Variants in GSK3B observed in about 807,000 individuals in gnomAD.
The protein encoded by GSK3B is glycogen synthase kinase 3 beta.
In GSK3B, 15 loss-of-function variants were observed where a neutral mutation model predicts 56.4. The ratio of observed to expected loss-of-function variants is 0.27; its 90% confidence interval spans 0.18 to 0.41. The LOEUF (loss-of-function observed/expected upper bound fraction) is 0.41, where lower values mean the gene tolerates loss of function less well. Ranked by LOEUF, GSK3B falls within the 10% of genes least tolerant of loss-of-function variation. The probability of loss-of-function intolerance (pLI) is 1.00; values close to 1 mark genes in which losing one functional copy is unlikely to be tolerated. For synonymous variants in GSK3B, 181 were observed against 188.9 expected (o/e 0.96, Z 0.34); for missense variants, 300 against 513.4 (o/e 0.58, Z 4.02).
chr3:119,970,719 A>T (rs1253770628), intron 2 of GSK3B, among the ~76,000 whole-genome samples: 1 of 151,878 alleles, frequency 6.6e-6, no homozygotes, highest in Non-Finnish European at 1.5e-5. Context: ...TCTGGGAGGT[A>T]GAGGTTGCAG....
At position 119,824,329 on chromosome 3, in the gene GSK3B, GCACACACACA is replaced by G. The variant is rs3835183; in HGVS notation, c.*2449_*2458del. 2.7e-4 allele frequency: 58 copies of G among 213,568 alleles called. 1 individual carries two copies. Among genetic ancestry groups the G allele is most frequent in the Admixed American group, 2.6e-3 (45 of 16,986 alleles). The allele number at this position is 213,568 out of a possible 1,614,324, so 13.2% of individuals were successfully genotyped here. On this transcript the variant is annotated 3_prime_UTR_variant, in exon 11 of 11. Transcript: ENST00000264235. ...TGAGAAAGAAAAATCACACATCTCA[GCACACACACA>G]CACACACACACACGCACACATGCAC...
At chr3:120,062,176 C>G (rs2058243035) in intron 1 of GSK3B, among the ~76,000 whole-genome samples, 1 of 152,178 alleles carries the variant, frequency 6.6e-6, no homozygotes, top group Non-Finnish European at 1.5e-5. Context: ...CTATACTAAA[C>G]ACTCTTTTAC....
chr3:119,909,460 C>A (rs1453924025), intron 6 of GSK3B, among the ~76,000 whole-genome samples: 2 of 152,238 alleles, frequency 1.3e-5, no homozygotes, highest in South Asian at 4.1e-4. Flanking sequence ...ACTTGCACAT[C>A]CAGCTTAAAG....
chr3:119,837,214 G>C (rs1006826957), intron 10 of GSK3B, among the ~76,000 whole-genome samples: 1 of 152,150 alleles, frequency 6.6e-6, no homozygotes, highest in Non-Finnish European at 1.5e-5. Flanking sequence ...GAGTGCAGTG[G>C]CGTGATCTCG....
At chr3:119,983,701 C>G (rs2057486165) in intron 2 of GSK3B, among the ~76,000 whole-genome samples, 1 of 152,188 alleles carries the variant, frequency 6.6e-6, no homozygotes, top group Admixed American at 6.5e-5. Context: ...CACCCAGATT[C>G]ATAAAGCAAG....
At chr3:120,045,209 G>A in intron 1 of GSK3B, among the ~76,000 whole-genome samples, 1 of 152,198 alleles carries the variant, frequency 6.6e-6, no homozygotes, top group East Asian at 1.9e-4. Flanking sequence ...GGTTTAAAGA[G>A]AAAAGATTAT....
chr3:119,883,500 T>A (rs1319546008), intron 7 of GSK3B, among the ~76,000 whole-genome samples: 1 of 152,134 alleles, frequency 6.6e-6, no homozygotes, highest in African/African-American at 2.4e-5. Flanking sequence ...CAGCAAATGT[T>A]TTCTGGAAAG....
At chr3:119,850,510 G>C (rs149032738) in intron 9 of GSK3B, among the ~76,000 whole-genome samples, 231 of 152,246 alleles carry the variant, frequency 1.5e-3, no homozygotes, top group Middle Eastern at 3.4e-3. Flanking sequence ...TCTTGCCACT[G>C]TAAGTCCACA....
intron 2 of GSK3B, among the ~76,000 whole-genome samples, chr3:119,960,813 T>C (rs73175867): frequency 1.3e-5 from 2 of 152,336 alleles, no homozygotes; most frequent in Non-Finnish European, 2.9e-5. Flanking sequence ...TTATTCATTA[T>C]TGTCCATCCC....
rs533747359 is a variant in GSK3B at position 119,915,542 on chromosome 3, T to G, written c.608+502A>C. Reference sequence around the variant, plus strand: ...ACACATGTACTTGTGTATATATGTGTGTGTGTACATATATATATATATAGT... The same window carrying G: ...ACACATGTACTTGTGTATATATGTGGGTGTGTACATATATATATATATAGT... On this transcript the variant is annotated intron_variant, in intron 5 of 10. Coordinates refer to ENST00000264235, the MANE Select transcript of GSK3B (RefSeq NM_001146156.2). 6.6e-5 allele frequency among the ~76,000 whole-genome samples: 10 copies of G among 152,220 alleles called. No homozygotes were observed. In the East Asian group the frequency reaches 1.7e-3, roughly 26 times the overall value.
chr3:119,923,853 G>A (rs555683523), intron 3 of GSK3B, among the ~76,000 whole-genome samples: 1 of 152,154 alleles, frequency 6.6e-6, no homozygotes, highest in Non-Finnish European at 1.5e-5. Flanking sequence ...TGGTGGCAGG[G>A]AGAGTACTGA....
intron 3 of GSK3B, among the ~76,000 whole-genome samples, chr3:119,933,604 C>T (rs971429414): frequency 2.0e-5 from 3 of 152,112 alleles, no homozygotes; most frequent in Admixed American, 6.5e-5. Context: ...CCGCCAAGCG[C>T]GGTGGCTCAC....
In GSK3B at chr3:120,057,136, T is replaced by C. The variant is rs1322059558; in HGVS notation, c.88+36211A>G. On this transcript the variant is annotated intron_variant, in intron 1 of 10. Coordinates refer to ENST00000264235, the MANE Select transcript of GSK3B (RefSeq NM_001146156.2). Reference sequence around the variant, plus strand: ...CTCCCGCCTGGGCAACAGAGCAAGATTCTGTCTCAAAAAAGAAAAAAGAAA... The same window carrying C: ...CTCCCGCCTGGGCAACAGAGCAAGACTCTGTCTCAAAAAAGAAAAAAGAAA... Among the ~76,000 whole-genome samples, 4 of 152,168 alleles carry C rather than the reference T, an allele frequency of 2.6e-5. No homozygotes were observed. The East Asian group carries it at 7.7e-4, about 29-fold the overall frequency.
intron 3 of GSK3B, among the ~76,000 whole-genome samples, chr3:119,925,426 C>G (rs893967317): frequency 6.6e-6 from 1 of 152,172 alleles, no homozygotes; most frequent in African/African-American, 2.4e-5. Context: ...CTCTAACACT[C>G]CTTCTCTAAC....
intron 10 of GSK3B, among the ~76,000 whole-genome samples, chr3:119,837,172 T>C (rs2055703757): frequency 6.6e-6 from 1 of 152,210 alleles, no homozygotes; most frequent in African/African-American, 2.4e-5. Flanking sequence ...CTTTCTTTTT[T>C]TGAGAGCAGT....
rs2055415815 is a variant in GSK3B, at chr3:119,821,989, T to A, written c.*4799A>T. On this transcript the variant is annotated 3_prime_UTR_variant, in exon 11 of 11. Transcript: ENST00000264235. ...TTTCCAGGCTAACCTACTTTTTATT[T>A]AATGCAAATTACAGTACCAGTTAAC... The A allele has an allele frequency of 5.3e-6, 1 of 188,398 alleles. No individual in the cohort carries two copies. Among genetic ancestry groups the A allele is most frequent in the South Asian group, 1.9e-4 (1 of 5,136 alleles). 11.7% of individuals were successfully genotyped at this position (188,398 alleles called of 1,614,324 possible). A position where few individuals can be genotyped will look rare whatever the true frequency, so the allele number is the denominator to read the frequency against.
chr3:119,910,223 A>C (rs1473630180), intron 6 of GSK3B, among the ~76,000 whole-genome samples: 1 of 152,212 alleles, frequency 6.6e-6, no homozygotes, highest in African/African-American at 2.4e-5. Context: ...TCCAAGGAAG[A>C]AAAATAGAAT....
intron 1 of GSK3B, among the ~76,000 whole-genome samples, chr3:120,036,787 C>T (rs1366924693): frequency 5.4e-5 from 5 of 93,232 alleles, no homozygotes; most frequent in East Asian, 3.0e-4. Context: ...AGTAAGACTC[C>T]GACTCAAAAA....
intron 1 of GSK3B, among the ~76,000 whole-genome samples, chr3:120,023,100 T>C (rs1414325260): frequency 1.3e-5 from 2 of 152,008 alleles, no homozygotes; most frequent in Non-Finnish European, 2.9e-5. Context: ...CCTGACTTAA[T>C]GATATACCAG....
Sources: gnomAD v4.1 joint callset for allele counts (sites outside exome capture counted in the v4.1 genomes callset) on GRCh38, gnomAD v4.1.1 for gene constraint, MANE v1.5 for transcripts, NCBI Gene and HGNC (gene_info 2026-07-23, HGNC 2026-07-21) for gene names.